NSMAF: variants seen among roughly 807,000 people sequenced by gnomAD.
NSMAF encodes neutral sphingomyelinase activation associated factor.
NSMAF carries 90 observed loss-of-function variants against 134.9 expected under a neutral mutation model. That is an observed-to-expected ratio of 0.67 (90% CI 0.56 to 0.79). NSMAF has a LOEUF of 0.79. Among genes scored for constraint, NSMAF ranks in the 30% least tolerant of loss-of-function variants. The pLI is 0.00. For missense variants in NSMAF, 1,010 were observed against 1,119.0 expected (o/e 0.90, Z 1.39); for synonymous variants, 358 against 389.6 (o/e 0.92, Z 0.96).
Position 58,607,640 on chromosome 8 carries a change from A to G in NSMAF, c.759+129T>C, listed in dbSNP as rs562768828. On this transcript the variant is annotated intron_variant, in intron 11 of 30. Transcript: ENST00000038176. ...CTCCAAAAGAAAGAACAGCAAAATC[A>G]GAGTCTATTTTCTTACAGGACAGTG... 1.2e-4 allele frequency: 84 copies of G among 692,696 alleles called. No individual in the cohort carries two copies. The East Asian group carries it at 2.1e-3, about 17-fold the overall frequency. 42.9% of individuals were successfully genotyped at this position (692,696 alleles called of 1,614,324 possible).
intron 18 of NSMAF, 152 bp from the exon 19 acceptor site, chr8:58,599,515 GT>G: frequency 9.9e-7 from 1 of 1,008,430 alleles, no homozygotes; most frequent in Non-Finnish European, 1.4e-6. Flanking sequence ...TGAAATGTAA[GT>G]TTTTTGGGGA....
rs537630331 is a variant in NSMAF, at chr8:58,600,022, C to A, written c.1281-1G>T. 6.2e-7 allele frequency: 1 copy of A among 1,611,938 alleles called. No homozygotes were observed. Among genetic ancestry groups the A allele is most frequent in the South Asian group, 1.1e-5 (1 of 90,848 alleles). On this transcript the variant is annotated splice_acceptor_variant, in intron 16 of 30. Transcript: ENST00000038176. LOFTEE classifies it high-confidence loss of function. ...ACAGTTTTTCCAAGTTTCTGCAATA[C>A]TACATATGAAAAAAAAATTCACCTA...
In NSMAF at chr8:58,635,286, A is replaced by T. The variant is rs1180760134; in HGVS notation, c.296+19T>A. On this transcript the variant is annotated intron_variant, in intron 4 of 30. Transcript: ENST00000038176. ...CTTTTTGGTTGAAGTAAAATTAAAC[A>T]GTGGTGAAAATGACATACTTTGTGA... 6.2e-7 allele frequency: 1 copy of T among 1,609,646 alleles called. No individual in the cohort carries two copies.
rs201931792 is a variant in NSMAF, at chr8:58,590,030, T to G, written c.2064A>C (p.Ile688=). ...CLLLPGDATV[I]TSSWDNNVYF... ...ACACATTATTATCCCATGAAGAAGT[T>G]ATGACAGTGGCATCTCCTGGTAAAA... The change falls in exon 25 of 31, where the codon ATA becomes ATC. Residue 688 remains isoleucine, a synonymous_variant. Coordinates refer to ENST00000038176, the MANE Select transcript of NSMAF (RefSeq NM_003580.4). The G allele has an allele frequency of 1.7e-5, 28 of 1,613,876 alleles. No individual in the cohort carries two copies. Among genetic ancestry groups the G allele is most frequent in the Non-Finnish European group, 2.3e-5 (27 of 1,179,846 alleles).
rs1460058458 is a variant in NSMAF, at chr8:58,603,350, A to C, written c.905T>G (p.Met302Arg). ...AAGGTGTCCACGCTGCCACTGCAGC[A>C]TGTAGCTCTCAGCAGTGTGCTCCGC... ...HVAEHTAESY[M>R]LQWQRGHLSN... The change falls in exon 13 of 31, where the codon ATG becomes AGG. Residue 302 changes from methionine (M) to arginine (R), a missense_variant. Physicochemically the swap from Met to Arg is moderately conservative, Grantham distance 91 (BLOSUM62 -1). Transcript: ENST00000038176. 1.8e-5 allele frequency: 29 copies of C among 1,613,996 alleles called. No individual in the cohort carries two copies. The highest frequency in any genetic ancestry group is 2.5e-5 in the Non-Finnish European group (29 of 1,180,042).
intron 23 of NSMAF, among the ~76,000 whole-genome samples, chr8:58,593,967 G>T (rs1806075902): frequency 6.6e-6 from 1 of 152,214 alleles, no homozygotes; most frequent in Non-Finnish European, 1.5e-5. Flanking sequence ...GGAAGTGCCT[G>T]ACCCAGCAAG....
At chr8:58,591,098 C>A (rs550131476) in intron 23 of NSMAF, 164 bp from the exon 24 acceptor site, 2 of 666,212 alleles carry the variant, frequency 3.0e-6, no homozygotes, top group Non-Finnish European at 4.5e-6. Flanking sequence ...TGACCTAAGG[C>A]CTCATCCAAC....
At chr8:58,659,228 G>C in intron 1 of NSMAF, 1 of 1,482,118 alleles carries the variant, frequency 6.7e-7, no homozygotes, top group South Asian at 1.3e-5. Context: ...CGCGTGCCGG[G>C]ATCCACGCCC....
At chr8:58,644,148 T>G (rs1328363536) in intron 1 of NSMAF, among the ~76,000 whole-genome samples, 1 of 152,208 alleles carries the variant, frequency 6.6e-6, no homozygotes, top group Non-Finnish European at 1.5e-5. Flanking sequence ...AGATGGGCCT[T>G]AAGTTCCAGT....
At position 58,589,612 on chromosome 8, in the gene NSMAF, G is replaced by A. The variant is rs764104543; in HGVS notation, c.2088-37C>T. On this transcript the variant is annotated intron_variant, in intron 25 of 30. Coordinates refer to ENST00000038176, the MANE Select transcript of NSMAF (RefSeq NM_003580.4). The stretch of plus-strand genomic sequence containing the variant: ...TGAGAAGCATTAAAACAGTAGTCTG[G>A]CTTAATTTTAAGGCTCCTAAACATA... The A allele has an allele frequency of 3.9e-6, 6 of 1,538,354 alleles. No individual in the cohort carries two copies. The South Asian group carries it at 3.9e-5, about 10-fold the overall frequency.
At chr8:58,619,124 T>A (rs992896692) in intron 9 of NSMAF, among the ~76,000 whole-genome samples, 2 of 152,150 alleles carry the variant, frequency 1.3e-5, no homozygotes, top group African/African-American at 4.8e-5. Flanking sequence ...AAACTATTCT[T>A]CCCTAAGCAA....
chr8:58,588,381 G>A (rs1005638841), intron 26 of NSMAF: 17 of 975,186 alleles, frequency 1.7e-5, no homozygotes, highest in Non-Finnish European at 2.6e-5. Context: ...TTTCTCCAGA[G>A]AATAGCCTGT....
chr8:58,652,910 G>T (rs1807618432), intron 1 of NSMAF, among the ~76,000 whole-genome samples: 1 of 152,168 alleles, frequency 6.6e-6, no homozygotes, highest in African/African-American at 2.4e-5. Flanking sequence ...TCAGGAAAGA[G>T]AAAATAATTC....
At position 58,607,799 on chromosome 8, in the gene NSMAF, G is replaced by A. The variant is rs199927670; in HGVS notation, c.729C>T (p.Ile243=). ...GCATGAGGCCGTGCCTCCTTTTGTA[G>A]ATGCGGCGGACATCTTGGAGTGTTA... The part of the protein sequence containing the change: ...VQITLQDVRR[I]YKRRHGLMPL... The change falls in exon 11 of 31, where the codon ATC becomes ATT. Residue 243 remains isoleucine, a synonymous_variant. Coordinates refer to ENST00000038176, the MANE Select transcript of NSMAF (RefSeq NM_003580.4). 6 of 1,614,178 alleles carry A rather than the reference G, an allele frequency of 3.7e-6. No homozygotes were observed. Among genetic ancestry groups the A allele is most frequent in the Non-Finnish European group, 5.1e-6 (6 of 1,180,002 alleles).
chr8:58,594,763 G>A (rs1806098036), intron 22 of NSMAF: 1 of 157,532 alleles, frequency 6.3e-6, no homozygotes, highest in Non-Finnish European at 1.4e-5. Context: ...CCCTTCCTAT[G>A]TGCCATTTAG....
intron 5 of NSMAF, among the ~76,000 whole-genome samples, chr8:58,633,703 C>CA (rs924065319): frequency 2.7e-4 from 41 of 152,042 alleles, no homozygotes; most frequent in African/African-American, 9.4e-4. Flanking sequence ...TTAGCAGCAA[C>CA]AAAAAAATTG....
Position 58,601,961 on chromosome 8 carries a change from T to C in NSMAF, c.1125+97A>G, listed in dbSNP as rs548719881. On this transcript the variant is annotated intron_variant, in intron 14 of 30. Transcript: ENST00000038176. The stretch of plus-strand genomic sequence containing the variant: ...ACTCTACGTAGAGTCACTGGTATAA[T>C]TCCCCTAAGCCTTGGAGAAACGAAT... 27 of 891,290 alleles carry C rather than the reference T, an allele frequency of 3.0e-5. No homozygotes were observed. The East Asian group carries it at 6.9e-4, about 23-fold the overall frequency. 55.2% of individuals were successfully genotyped at this position (891,290 alleles called of 1,614,324 possible). A position where few individuals can be genotyped will look rare whatever the true frequency, so the allele number is the denominator to read the frequency against.
intron 18 of NSMAF, 116 bp downstream of exon 18, chr8:58,599,634 C>A: frequency 8.4e-7 from 1 of 1,196,110 alleles, no homozygotes; most frequent in South Asian, 1.5e-5. Flanking sequence ...GCTCATATAT[C>A]CTTATTTAGA....
chr8:58,646,390 T>C (rs78283377), intron 1 of NSMAF, among the ~76,000 whole-genome samples: 4,115 of 152,280 alleles, frequency 0.027, 203 homozygotes, highest in African/African-American at 0.093. Flanking sequence ...ATTTCTATGA[T>C]GCACAAGTAG....
Sources: gnomAD v4.1 joint callset for allele counts (sites outside exome capture counted in the v4.1 genomes callset) on GRCh38, gnomAD v4.1.1 for gene constraint, MANE v1.5 for transcripts, NCBI Gene and HGNC (gene_info 2026-07-23, HGNC 2026-07-21) for gene names.